LVRN: variants seen among roughly 807,000 people sequenced by gnomAD.
LVRN encodes laeverin, also known as aminopeptidase Q.
LVRN carries 99 observed loss-of-function variants against 111.4 expected under a neutral mutation model. That is an observed-to-expected ratio of 0.89 (90% CI 0.76 to 1.05). The LOEUF is 1.05. Ranked by LOEUF, LVRN falls within the 50% of genes least tolerant of loss-of-function variation. The pLI, the probability that LVRN is intolerant of heterozygous loss-of-function variation, is 0.00. For missense variants in LVRN, 1,414 were observed against 1,206.8 expected, an observed-to-expected ratio of 1.17 and a Z score of -2.54; for synonymous variants, 488 against 449.5, an observed-to-expected ratio of 1.09 and a Z score of -1.08.
intron 1 of LVRN, among the ~76,000 whole-genome samples, chr5:115,973,527 C>A (rs1044336944): frequency 6.6e-6 from 1 of 152,130 alleles, no homozygotes; most frequent in Non-Finnish European, 1.5e-5. Flanking sequence ...ATGAGGCTCT[C>A]TGGGCCTAGA....
chr5:115,991,789 G>A (rs1217833882), intron 4 of LVRN, among the ~76,000 whole-genome samples: 1 of 152,068 alleles, frequency 6.6e-6, no homozygotes, highest in African/African-American at 2.4e-5. Flanking sequence ...ATGTGTATTT[G>A]CCATTTATAT....
chr5:116,018,317 T>C lies in LVRN; in HGVS notation c.2756+2552T>C, dbSNP rs370831427. On this transcript the variant is annotated intron_variant, in intron 18 of 19. Transcript: ENST00000357872. ...CCTAAGTAAGAAAATGCATACTTCT[T>C]AATTATTTATTTTATGAGAGTACTA... 1.4e-3 allele frequency among the ~76,000 whole-genome samples: 207 copies of C among 152,340 alleles called. 3 individuals carry two copies. Among genetic ancestry groups the C allele is most frequent in the African/African-American group, 4.1e-3 (171 of 41,578 alleles).
chr5:115,995,808 G>GTTA (rs537965114), intron 6 of LVRN, among the ~76,000 whole-genome samples: 276 of 152,324 alleles, frequency 1.8e-3, no homozygotes, highest in African/African-American at 6.4e-3. Context: ...CATTAAGTAA[G>GTTA]TTGCTCAAGC....
chr5:115,999,742 C>G lies in LVRN; in HGVS notation c.1375-20C>G, dbSNP rs1319211132. 1 of 1,611,536 alleles carries G rather than the reference C, an allele frequency of 6.2e-7. No individual in the cohort carries two copies. Among genetic ancestry groups the G allele is most frequent in the Non-Finnish European group, 8.5e-7 (1 of 1,179,012 alleles). On this transcript the variant is annotated intron_variant, in intron 6 of 19. Coordinates refer to ENST00000357872, the MANE Select transcript of LVRN (RefSeq NM_173800.5). ...TGTGACACCTCAGGAGTTAATGTGC[C>G]TCCATCTTTTCCTTTATAGAATGAG...
At chr5:116,003,846 G>T (rs915630327) in intron 12 of LVRN, among the ~76,000 whole-genome samples, 13 of 152,138 alleles carry the variant, frequency 8.5e-5, no homozygotes, top group Admixed American at 8.5e-4. Context: ...CTCTCAAAGT[G>T]CTGGGATTAC....
chr5:115,976,583 C>A (rs978453989), intron 1 of LVRN, among the ~76,000 whole-genome samples: 1 of 152,128 alleles, frequency 6.6e-6, no homozygotes, highest in African/African-American at 2.4e-5. Context: ...ATAAATTTCC[C>A]ACTAACTATT....
Position 115,962,879 on chromosome 5 carries a change from C to G in LVRN, c.262C>G (p.Arg88Gly). ...GGTGACGACCACCCCGAGCAACTGG[C>G]GACCCCCGGGGCCCTGGGACCAGCT... The part of the protein sequence containing the change: ...LAVTTTPSNW[R>G]PPGPWDQLRL... The change falls in exon 1 of 20, where the codon CGA (arginine) becomes GGA (glycine). Residue 88 changes from arginine to glycine, a missense_variant. Arg to Gly is a moderately radical substitution (Grantham distance 125). Coordinates refer to ENST00000357872, the MANE Select transcript of LVRN (RefSeq NM_173800.5). 6.2e-7 allele frequency: 1 copy of G among 1,613,112 alleles called. No individual in the cohort carries two copies. The highest frequency in any genetic ancestry group is 8.5e-7 in the Non-Finnish European group (1 of 1,179,784).
At chr5:115,978,228 A>G (rs534431904) in intron 1 of LVRN, among the ~76,000 whole-genome samples, 52 of 152,326 alleles carry the variant, frequency 3.4e-4, no homozygotes, top group Admixed American at 1.2e-3. Flanking sequence ...TGCCAGACAC[A>G]TGATGCTGGT....
rs749902259 is a variant in LVRN at position 115,962,979 on chromosome 5, C to T, written c.362C>T (p.Pro121Leu). The change falls in exon 1 of 20, where the codon CCG (proline) becomes CTG (leucine). Residue 121 changes from proline (P) to leucine (L), a missense_variant. Physicochemically the swap from Pro to Leu is moderately conservative, Grantham distance 98. Transcript: ENST00000357872. ...CCGCAGCTGAGGCCCGACGAGCTTCCGGCCGGGTCTTTGCCCTTCACTGGC... is the reference window on the plus strand; with the variant it reads ...CCGCAGCTGAGGCCCGACGAGCTTCTGGCCGGGTCTTTGCCCTTCACTGGC... ...LWPQLRPDELPAGSLPFTGRV... is the reference protein window; with the variant it reads ...LWPQLRPDELLAGSLPFTGRV... 3 of 1,613,304 alleles carry T rather than the reference C, an allele frequency of 1.9e-6. No individual in the cohort carries two copies. The highest frequency in any genetic ancestry group is 1.3e-5 in the African/African-American group (1 of 74,908).
intron 6 of LVRN, among the ~76,000 whole-genome samples, chr5:115,994,139 CTGAG>C (rs1484534468): frequency 2.6e-5 from 4 of 151,702 alleles, no homozygotes; most frequent in African/African-American, 7.3e-5. Flanking sequence ...CTTCATAATC[CTGAG>C]TATTTCTACA....
In LVRN at chr5:116,026,885, T is replaced by C. The variant is rs1182271350; in HGVS notation, c.*767T>C. On this transcript the variant is annotated 3_prime_UTR_variant, in exon 20 of 20. Coordinates refer to ENST00000357872, the MANE Select transcript of LVRN (RefSeq NM_173800.5). ...CTTAATTGTGTATTCACCAGTGGGATGGACACCCTTTCAGCCTAAGCGTAC... is the reference window on the plus strand; with the variant it reads ...CTTAATTGTGTATTCACCAGTGGGACGGACACCCTTTCAGCCTAAGCGTAC... 2 of 152,270 alleles carry C rather than the reference T, an allele frequency of 1.3e-5. No homozygotes were observed. Among genetic ancestry groups the C allele is most frequent in the South Asian group, 2.1e-4 (1 of 4,832 alleles). The allele number at this position is 152,270 out of a possible 1,614,324, so 9.4% of individuals were successfully genotyped here.
intron 19 of LVRN, among the ~76,000 whole-genome samples, chr5:116,025,333 C>T (rs531067939): frequency 3.9e-5 from 6 of 152,228 alleles, no homozygotes; most frequent in Admixed American, 6.5e-5. Context: ...TGGCTATAAG[C>T]GTTCGGAGTT....
At chr5:115,983,137 T>G in intron 1 of LVRN, 150 bp from the exon 2 acceptor site, 2 of 773,390 alleles carry the variant, frequency 2.6e-6, no homozygotes, top group Non-Finnish European at 4.1e-6. Context: ...AATTGGAGTG[T>G]GTTGGTGTGA....
intron 2 of LVRN, among the ~76,000 whole-genome samples, chr5:115,984,023 G>C (rs1445522822): frequency 6.6e-6 from 1 of 152,150 alleles, no homozygotes. Flanking sequence ...CAGGAGGTTG[G>C]CTGCCTCCTG....
intron 1 of LVRN, among the ~76,000 whole-genome samples, chr5:115,982,460 G>A (rs1394384615): frequency 2.6e-5 from 4 of 152,154 alleles, no homozygotes; most frequent in Admixed American, 6.5e-5. Flanking sequence ...GTCATCTAAA[G>A]ACGGGTTCCC....
At chr5:116,025,357 A>G (rs1748840777) in intron 19 of LVRN, among the ~76,000 whole-genome samples, 1 of 152,218 alleles carries the variant, frequency 6.6e-6, no homozygotes, top group Non-Finnish European at 1.5e-5. Context: ...ATCCACTGAT[A>G]CAAAAAGAGA....
rs144994745 is a variant in LVRN at position 116,001,843 on chromosome 5, T to C, written c.1820+604T>C. On this transcript the variant is annotated intron_variant, in intron 10 of 19. Transcript: ENST00000357872. ...TAAGCTCTGTGAGTTTCAGTTGCCT[T>C]ATCTATAAAATACATGCAATAGCAT... Among the ~76,000 whole-genome samples the C allele has an allele frequency of 5.2e-4, 79 of 152,344 alleles. 2 individuals carry two copies. The highest frequency in any genetic ancestry group is 6.8e-3 in the Middle Eastern group (2 of 294).
Position 115,992,161 on chromosome 5 carries a change from G to T in LVRN, c.1144G>T (p.Glu382Ter), listed in dbSNP as rs778123320. The change falls in exon 5 of 20, where the codon GAA becomes TAA. Residue 382 changes from glutamate to a stop codon, truncating the protein, a stop_gained. Transcript: ENST00000357872. LOFTEE classifies it high-confidence loss of function. ...GCCTAGTTTTGACAACCATGCAATG[G>T]AAAACTGGGGACTAATGATATTTGA... ...ALPSFDNHAM[E>*]NWGLMIFDES... The T allele has an allele frequency of 6.2e-7, 1 of 1,613,608 alleles. No homozygotes were observed.
chr5:116,004,775 T>C (rs1317638449), intron 12 of LVRN, among the ~76,000 whole-genome samples: 1 of 152,202 alleles, frequency 6.6e-6, no homozygotes, highest in African/African-American at 2.4e-5. Context: ...ATGGGGGTAA[T>C]ATACCAAACT....
Sources: allele counts gnomAD v4.1 joint callset (sites outside exome capture counted in the v4.1 genomes callset), GRCh38; gene constraint gnomAD v4.1.1; transcripts MANE v1.5; gene names NCBI Gene and HGNC (gene_info 2026-07-23, HGNC 2026-07-21).